Variants in FCSK observed in about 807,000 individuals in gnomAD.
FCSK encodes the protein fucose kinase, also known as L-fucose kinase.
FCSK carries 123 observed loss-of-function variants against 122.5 expected under a neutral mutation model. The ratio of observed to expected loss-of-function variants is 1.00; its 90% confidence interval spans 0.87 to 1.17. The LOEUF (loss-of-function observed/expected upper bound fraction) is 1.17, where lower values mean the gene tolerates loss of function less well. FCSK is among the 50% of genes most tolerant of loss of function. The pLI is 0.00. For missense variants in FCSK, 1,366 were observed against 1,450.4 expected, an observed-to-expected ratio of 0.94 and a Z score of 0.95; for synonymous variants, 620 against 625.5, an observed-to-expected ratio of 0.99 and a Z score of 0.13.
In FCSK at chr16:70,475,028, C is replaced by A; in HGVS notation, c.2377+17C>A. 6.3e-7 allele frequency: 1 copy of A among 1,575,216 alleles called. No individual in the cohort carries two copies. The highest frequency in any genetic ancestry group is 8.6e-7 in the Non-Finnish European group (1 of 1,163,668). On this transcript the variant is annotated intron_variant, in intron 18 of 23. Coordinates refer to ENST00000288078, the MANE Select transcript of FCSK (RefSeq NM_145059.3). ...ATGCCCCAGGTCAGGCACCCTGGGA[C>A]CTCTGCAGGTGGGGCTGGCCAGCTG... is the stretch of plus-strand genomic sequence containing the variant.
intron 1 of FCSK, among the ~76,000 whole-genome samples, chr16:70,458,584 G>A (rs1178377904): frequency 6.6e-6 from 1 of 151,942 alleles, no homozygotes; most frequent in Non-Finnish European, 1.5e-5. Flanking sequence ...GAGTAACTGG[G>A]ATTACAGGTG....
At chr16:70,479,493 G>A (rs1295610109) in intron 23 of FCSK, 86 bp from the exon 24 acceptor site, 2 of 1,476,810 alleles carry the variant, frequency 1.4e-6, no homozygotes, top group Non-Finnish European at 9.3e-7. Context: ...ATATCTGTAA[G>A]TCCCCCTGGT....
rs768551060 is a variant in FCSK at position 70,475,011 on chromosome 16, G to C, written c.2377G>C (p.Gly793Arg). ...LRDYCQPHAP[G>R]ALLKAAFICA... ...GGACTACTGCCAGCCTCATGCCCCA[G>C]GTCAGGCACCCTGGGACCTCTGCAG... is the stretch of plus-strand genomic sequence containing the variant. The change falls in exon 18 of 24, where the codon GGG (glycine) becomes CGG (arginine). Residue 793 changes from glycine to arginine, a missense_variant and splice_region_variant. By Grantham distance (125) the Gly-to-Arg change is moderately radical. Coordinates refer to ENST00000288078, the MANE Select transcript of FCSK (RefSeq NM_145059.3). 3.1e-6 allele frequency: 5 copies of C among 1,593,576 alleles called. No individual in the cohort carries two copies. In the East Asian group the frequency reaches 1.1e-4, roughly 36 times the overall value.
intron 22 of FCSK, 22 bp downstream of exon 22, chr16:70,478,672 G>A (rs772463379): frequency 1.6e-5 from 25 of 1,600,902 alleles, no homozygotes; most frequent in Non-Finnish European, 2.0e-5. Flanking sequence ...CCTCTGGGGG[G>A]GTCAGGGCAC....
At chr16:70,471,791 G>T (rs1360670052) in intron 13 of FCSK, among the ~76,000 whole-genome samples, 2 of 150,286 alleles carry the variant, frequency 1.3e-5, no homozygotes, top group Non-Finnish European at 2.9e-5. Flanking sequence ...CGCCATGCTA[G>T]TCTGGTTGGG....
rs543826334 is a variant in FCSK, at chr16:70,458,560, A to C, written c.-23+3930A>C. ...TGGCTCACTGCAACCTCCACCTCCC[A>C]GGTTCAGCCTCCCGAGTAACTGGGA... On this transcript the variant is annotated intron_variant, in intron 1 of 23. Coordinates refer to ENST00000288078, the MANE Select transcript of FCSK (RefSeq NM_145059.3). Among the ~76,000 whole-genome samples the C allele has an allele frequency of 4.0e-5, 6 of 149,340 alleles. No homozygotes were observed. The East Asian group carries it at 1.2e-3, about 30-fold the overall frequency.
intron 3 of FCSK, among the ~76,000 whole-genome samples, chr16:70,464,220 C>T (rs74026049): frequency 0.081 from 12,278 of 152,032 alleles, 1,664 homozygotes; most frequent in African/African-American, 0.28. Flanking sequence ...AGAGTGAGGG[C>T]GAGCACAGAC....
intron 8 of FCSK, 61 bp downstream of exon 8, chr16:70,468,027 T>C (rs534958815): frequency 7.9e-7 from 1 of 1,265,452 alleles, no homozygotes; most frequent in South Asian, 1.2e-5. Flanking sequence ...GGAGGGAGGG[T>C]CTGACTTCCT....
Position 70,478,442 on chromosome 16 carries a change from G to A in FCSK, c.2812G>A (p.Ala938Thr). The A allele has an allele frequency of 2.5e-6, 4 of 1,614,068 alleles. No homozygotes were observed. Among genetic ancestry groups the A allele is most frequent in the Non-Finnish European group, 2.5e-6 (3 of 1,180,030 alleles). Residue 938 changes from alanine (A) to threonine (T), a missense_variant, in exon 21 of 24, where the codon GCT (alanine) becomes ACT (threonine). Transcript: ENST00000288078. ...GGTGTACACTGGCAAGACCCGCCTG[G>A]CTCGGAACCTGCTGCAGGTGAGCTC... is the stretch of plus-strand genomic sequence containing the variant. ...LLVYTGKTRL[A>T]RNLLQDVLRS...
intron 18 of FCSK, 30 bp downstream of exon 18, chr16:70,475,041 G>T (rs773610377): frequency 3.9e-6 from 6 of 1,554,852 alleles, no homozygotes; most frequent in Non-Finnish European, 5.2e-6. Context: ...CTGCAGGTGG[G>T]GCTGGCCAGC....
intron 8 of FCSK, among the ~76,000 whole-genome samples, chr16:70,468,417 A>G (rs1473747372): frequency 1.3e-5 from 2 of 152,178 alleles, no homozygotes; most frequent in Non-Finnish European, 2.9e-5. Context: ...GAGACTCTGA[A>G]TCAATCCCCT....
chr16:70,460,129 C>T (rs1343749240), intron 1 of FCSK, among the ~76,000 whole-genome samples: 4 of 119,318 alleles, frequency 3.4e-5, no homozygotes, highest in African/African-American at 1.0e-4. Context: ...TTTTTTGAGA[C>T]GGTGTCTCGC....
In FCSK at chr16:70,460,333, G is replaced by A. The variant is rs369969445; in HGVS notation, c.-22-2836G>A. On this transcript the variant is annotated intron_variant, in intron 1 of 23. Transcript: ENST00000288078. Reference sequence around the variant, plus strand: ...TCACTGCATTAGCCAGGATGGTCTCGATCTCCTGACCTTGTGATCCACCCT... The same window carrying A: ...TCACTGCATTAGCCAGGATGGTCTCAATCTCCTGACCTTGTGATCCACCCT... 3.8e-4 allele frequency among the ~76,000 whole-genome samples: 57 copies of A among 149,992 alleles called. No homozygotes were observed. In the South Asian group the frequency reaches 0.011, roughly 30 times the overall value.
chr16:70,471,033 G>C lies in FCSK; in HGVS notation c.1131G>C (p.Gln377His). Residue 377 changes from glutamine to histidine, a missense_variant, in exon 12 of 24, where the codon CAG (glutamine) becomes CAC (histidine). By Grantham distance (24) the Gln-to-His change is conservative (BLOSUM62 0). Transcript: ENST00000288078. ...GCTGCCTGCTGGAGGGCCCTGTCCAGCTGGGTCCTGGGAGCGTCCTGCAGC... is the reference window on the plus strand; with the variant it reads ...GCTGCCTGCTGGAGGGCCCTGTCCACCTGGGTCCTGGGAGCGTCCTGCAGC... Reference protein sequence around the residue: ...VVSCLLEGPVQLGPGSVLQHC... With the variant: ...VVSCLLEGPVHLGPGSVLQHC... 6.2e-7 allele frequency: 1 copy of C among 1,603,188 alleles called. No individual in the cohort carries two copies. The highest frequency in any genetic ancestry group is 8.5e-7 in the Non-Finnish European group (1 of 1,176,978).
Position 70,478,462 on chromosome 16 carries a change from G to T in FCSK, c.2829+3G>T. 6.2e-7 allele frequency: 1 copy of T among 1,613,892 alleles called. No homozygotes were observed. Among genetic ancestry groups the T allele is most frequent in the Non-Finnish European group, 8.5e-7 (1 of 1,180,002 alleles). The stretch of plus-strand genomic sequence containing the variant: ...GCCTGGCTCGGAACCTGCTGCAGGT[G>T]AGCTCTGGCCCCAGCATGAGGGAGG... On this transcript the variant is annotated splice_donor_region_variant and intron_variant, in intron 21 of 23. Coordinates refer to ENST00000288078, the MANE Select transcript of FCSK (RefSeq NM_145059.3).
Position 70,468,921 on chromosome 16 carries a change from G to A in FCSK, c.736G>A (p.Asp246Asn). The A allele has an allele frequency of 1.2e-6, 2 of 1,613,904 alleles. No homozygotes were observed. The highest frequency in any genetic ancestry group is 1.6e-4 in the Middle Eastern group (1 of 6,062). Residue 246 changes from aspartate to asparagine, a missense_variant, in exon 9 of 24, where the codon GAT becomes AAT. Asp to Asn is a conservative substitution (Grantham distance 23, BLOSUM62 1). Transcript: ENST00000288078. ...LLATHVSPPLDACTYLGLDSG... is the reference protein window; with the variant it reads ...LLATHVSPPLNACTYLGLDSG... ...AGCCACCCACGTGAGCCCGCCCCTG[G>A]ATGCCTGCACCTACCTAGGCTTGGA... is the stretch of plus-strand genomic sequence containing the variant.
Position 70,466,215 on chromosome 16 carries a change from G to A in FCSK, c.369G>A (p.Leu123=), listed in dbSNP as rs746791266. The A allele has an allele frequency of 1.9e-6, 3 of 1,613,918 alleles. No individual in the cohort carries two copies. The East Asian group carries it at 6.7e-5, about 36-fold the overall frequency. Residue 123 remains leucine, a synonymous_variant, in exon 5 of 24, where the codon TTG becomes TTA. Transcript: ENST00000288078. ...VENPEAPVEA[L]VCNLDCLLDI... is the part of the protein sequence containing the mutation. ...ACCCCGAGGCCCCCGTGGAAGCCTT[G>A]GTCTGCAACCTGGACTGCCTGCTGG...
chr16:70,467,589 C>T, intron 7 of FCSK, 118 bp downstream of exon 7: 1 of 821,576 alleles, frequency 1.2e-6, no homozygotes, highest in Non-Finnish European at 1.9e-6. Context: ...TTCCTGAATC[C>T]AAGGAGTTTC....
Position 70,467,148 on chromosome 16 carries a change from T to C in FCSK, c.484+194T>C. ...TGCCTCAGTCTGTCTGTCTATAGGA[T>C]GGACAGAAGCAGCCCTGCCCCTTCT... On this transcript the variant is annotated intron_variant, in intron 6 of 23. Coordinates refer to ENST00000288078, the MANE Select transcript of FCSK (RefSeq NM_145059.3). The C allele has an allele frequency of 4.6e-6, 3 of 654,676 alleles. 1 individual carries two copies. In the South Asian group the frequency reaches 5.3e-5, roughly 12 times the overall value. 40.6% of individuals were successfully genotyped at this position (654,676 alleles called of 1,614,324 possible).
Sources: allele counts gnomAD v4.1 joint callset (sites outside exome capture counted in the v4.1 genomes callset), GRCh38; gene constraint gnomAD v4.1.1; transcripts MANE v1.5; gene names NCBI Gene and HGNC (gene_info 2026-07-23, HGNC 2026-07-21).